The following MTNAP1 variants were observed in gnomAD, a reference collection of about 807,000 sequenced individuals.
MTNAP1 encodes the protein mitochondrial nucleoid associated protein 1.
At chr17:73,237,112 G>T in the MTNAP1 span, 1 of 1,075,632 alleles carries the variant, frequency 9.3e-7, no homozygotes, top group Admixed American at 2.9e-5. Context: ...TTTCACCTAG[G>T]CATGCCAGTA....
At chr17:73,240,578 T>C in the MTNAP1 span, among the ~76,000 whole-genome samples, 1,606 of 152,372 alleles carry the variant, frequency 0.011, 32 homozygotes, top group African/African-American at 0.036. Context: ...ATTAGAGTTT[T>C]ATTGGAATCT....
At chr17:73,239,881 C>G in the MTNAP1 span, among the ~76,000 whole-genome samples, 1 of 152,158 alleles carries the variant, frequency 6.6e-6, no homozygotes, top group African/African-American at 2.4e-5. Flanking sequence ...AATCAGGATT[C>G]AAACCCAGGT....
the MTNAP1 span, chr17:73,236,779 T>TAAA: frequency 2.5e-6 from 4 of 1,614,154 alleles, no homozygotes; most frequent in South Asian, 4.4e-5. Flanking sequence ...GAGCCCTTTA[T>TAAA]GTTCAGCCCA....
chr17:73,243,097 T>TTTG, the MTNAP1 span: 1 of 978,134 alleles, frequency 1.0e-6, no homozygotes, highest in Non-Finnish European at 1.5e-6. Flanking sequence ...TTTTTTTTTT[T>TTTG]TTTTACAGCT....
chr17:73,234,417 C>A, the MTNAP1 span, among the ~76,000 whole-genome samples: 1 of 151,080 alleles, frequency 6.6e-6, no homozygotes. Flanking sequence ...GTAGGCCAGG[C>A]GTGGTGTCTC....
the MTNAP1 span, among the ~76,000 whole-genome samples, chr17:73,246,660 C>T: frequency 3.3e-5 from 5 of 152,192 alleles, no homozygotes; most frequent in Admixed American, 3.3e-4. Flanking sequence ...ATTCCCAATC[C>T]CCTGCTCCTT....
chr17:73,248,693 C>G, the MTNAP1 span: 1 of 757,050 alleles, frequency 1.3e-6, no homozygotes, highest in African/African-American at 1.7e-5. Flanking sequence ...TGGGAATATT[C>G]ACGGACATGC....
chr17:73,242,737 G>C, the MTNAP1 span, among the ~76,000 whole-genome samples: 1 of 152,204 alleles, frequency 6.6e-6, no homozygotes, highest in Non-Finnish European at 1.5e-5. Flanking sequence ...GTCAAGTTAA[G>C]GTTCTTTGAT....
the MTNAP1 span, among the ~76,000 whole-genome samples, chr17:73,238,940 GTTTT>G: frequency 3.2e-5 from 4 of 123,464 alleles, no homozygotes; most frequent in South Asian, 9.9e-4. Flanking sequence ...TGTGTGTTTT[GTTTT>G]TTTGTTTGTT....
chr17:73,243,891 C>G, the MTNAP1 span, among the ~76,000 whole-genome samples: 1 of 152,160 alleles, frequency 6.6e-6, no homozygotes, highest in Non-Finnish European at 1.5e-5. Context: ...TGTTACCCTG[C>G]TCCAATGGAA....
the MTNAP1 span, chr17:73,248,888 T>C: frequency 4.4e-6 from 1 of 228,330 alleles, no homozygotes; most frequent in African/African-American, 2.3e-5. Context: ...GCAGACTCTT[T>C]TATACTTTAT....
the MTNAP1 span, among the ~76,000 whole-genome samples, chr17:73,241,793 A>G: frequency 6.6e-6 from 1 of 152,160 alleles, no homozygotes; most frequent in Admixed American, 6.5e-5. Flanking sequence ...GCCTGGCGTG[A>G]TGGCGTGTGC....
chr17:73,234,321 GTTT>G, the MTNAP1 span, among the ~76,000 whole-genome samples: 4 of 150,398 alleles, frequency 2.7e-5, no homozygotes, highest in East Asian at 1.9e-4. Context: ...TGGTATAAAT[GTTT>G]TTTTTTTAAT....
At chr17:73,242,933 A>C in the MTNAP1 span, 1 of 1,614,036 alleles carries the variant, frequency 6.2e-7, no homozygotes, top group South Asian at 1.1e-5. Flanking sequence ...GGAAGAGTGG[A>C]TTCGGTGGCA....
At chr17:73,244,908 T>C in the MTNAP1 span, among the ~76,000 whole-genome samples, 117 of 152,256 alleles carry the variant, frequency 7.7e-4, 1 homozygote, top group African/African-American at 2.7e-3. Flanking sequence ...CCTGCATAAA[T>C]GGAGAGGCCC....
chr17:73,237,028 C>G, the MTNAP1 span: 1 of 1,503,122 alleles, frequency 6.7e-7, no homozygotes, highest in South Asian at 1.3e-5. Context: ...GCCATCTGTC[C>G]CATCCAAAAT....
At chr17:73,245,432 A>G in the MTNAP1 span, 1 of 1,181,974 alleles carries the variant, frequency 8.5e-7, no homozygotes, top group Non-Finnish European at 1.0e-6. Context: ...GCAACTGAGA[A>G]TTAGAGAAAA....
the MTNAP1 span, chr17:73,233,277 G>A: frequency 6.6e-6 from 1 of 152,462 alleles, no homozygotes; most frequent in African/African-American, 2.4e-5. Context: ...GAAGCATGGG[G>A]ATCCGGGAGA....
the MTNAP1 span, chr17:73,235,341 C>A: frequency 1.5e-6 from 1 of 682,302 alleles, no homozygotes; most frequent in Non-Finnish European, 2.4e-6. Context: ...CATATAATGA[C>A]TAGTTGACTT....
Sources: allele counts gnomAD v4.1 joint callset (sites outside exome capture counted in the v4.1 genomes callset), GRCh38; gene constraint gnomAD v4.1.1; transcripts MANE v1.5; gene names NCBI Gene and HGNC (gene_info 2026-07-23, HGNC 2026-07-21).